The following VPS13D variants were observed in gnomAD, a reference collection of about 807,000 sequenced individuals.
VPS13D encodes vacuolar protein sorting 13 homolog D.
VPS13D carries 187 observed loss-of-function variants against 461.9 expected under a neutral mutation model. That is an observed-to-expected ratio of 0.40 (90% CI 0.36 to 0.46). The LOEUF is 0.46. Among genes scored for constraint, VPS13D ranks in the 20% least tolerant of loss-of-function variants. The pLI is 0.60. For missense variants in VPS13D, 4,711 were observed against 5,364.9 expected (o/e 0.88, Z 3.81); for synonymous variants, 1,951 against 1,986.3 (o/e 0.98, Z 0.47).
intron 3 of VPS13D, 109 bp downstream of exon 3, chr1:12,242,699 T>G: frequency 3.2e-4 from 257 of 814,300 alleles, no homozygotes; most frequent in Non-Finnish European, 4.5e-4. Context: ...AGGAAGGATA[T>G]AGCAAATGTT....
chr1:12,484,797 G>A (rs999131928), intron 67 of VPS13D, among the ~76,000 whole-genome samples: 4 of 152,110 alleles, frequency 2.6e-5, no homozygotes, highest in African/African-American at 9.7e-5. Flanking sequence ...GAGTGTCCTC[G>A]GAGGGTTACA....
intron 25 of VPS13D, among the ~76,000 whole-genome samples, chr1:12,303,975 A>G (rs1642493927): frequency 6.6e-6 from 1 of 152,234 alleles, no homozygotes; most frequent in African/African-American, 2.4e-5. Context: ...TTGAGCAGAA[A>G]CATCATAGGA....
chr1:12,400,874 A>G (rs1438049222), intron 61 of VPS13D, among the ~76,000 whole-genome samples: 1 of 151,854 alleles, frequency 6.6e-6, no homozygotes, highest in Non-Finnish European at 1.5e-5. Context: ...GGAGGTCCTG[A>G]GCCTGGGAGT....
In VPS13D at chr1:12,266,974, A is replaced by G. The variant is rs1287862877; in HGVS notation, c.1688A>G (p.Glu563Gly). ...GGLFLRDLATEGTMFPLLVFP... is the reference protein window; with the variant it reads ...GGLFLRDLATGGTMFPLLVFP... The stretch of plus-strand genomic sequence containing the variant: ...CTGTTTCTTCGAGACCTGGCTACAG[A>G]AGGAACTATGTTTCCTCTTCTAGTC... Residue 563 changes from glutamate to glycine, a missense_variant, in exon 14 of 70, where the codon GAA (glutamate) becomes GGA (glycine). By Grantham distance (98) the Glu-to-Gly change is moderately conservative. Around this residue, in one of 3 missense-constraint regions of VPS13D, gnomAD observed 4,411 missense variants for 4,937.8 expected, o/e 0.89. Coordinates refer to ENST00000620676, the MANE Select transcript of VPS13D (RefSeq NM_015378.4). 3.1e-6 allele frequency: 5 copies of G among 1,610,246 alleles called. No individual in the cohort carries two copies. The highest frequency in any genetic ancestry group is 4.2e-6 in the Non-Finnish European group (5 of 1,178,932).
intron 20 of VPS13D, among the ~76,000 whole-genome samples, chr1:12,281,522 T>C (rs556768275): frequency 6.6e-6 from 1 of 152,330 alleles, no homozygotes; most frequent in Admixed American, 6.5e-5. Context: ...TTTAGTTCTA[T>C]AGGTTTGACT....
intron 63 of VPS13D, among the ~76,000 whole-genome samples, chr1:12,413,268 A>C (rs1269340996): frequency 1.3e-5 from 2 of 151,664 alleles, no homozygotes; most frequent in African/African-American, 4.8e-5. Context: ...AGATGGGTGG[A>C]TCACTTGAGG....
chr1:12,391,052 C>T (rs1479452897), intron 60 of VPS13D, among the ~76,000 whole-genome samples: 2 of 152,186 alleles, frequency 1.3e-5, no homozygotes, highest in African/African-American at 4.8e-5. Flanking sequence ...TTCTTTGTCA[C>T]CAGTTTTCTA....
intron 25 of VPS13D, among the ~76,000 whole-genome samples, chr1:12,301,927 T>C (rs1642434794): frequency 6.6e-6 from 1 of 152,158 alleles, no homozygotes; most frequent in Non-Finnish European, 1.5e-5. Flanking sequence ...TACAGGGAGA[T>C]ACTTGGAAGA....
At chr1:12,429,781 G>A (rs914461055) in intron 65 of VPS13D, among the ~76,000 whole-genome samples, 1 of 152,194 alleles carries the variant, frequency 6.6e-6, no homozygotes, top group African/African-American at 2.4e-5. Context: ...GCGCTTAGCA[G>A]ATACTGACCT....
At chr1:12,412,984 G>T (rs927037346) in intron 63 of VPS13D, among the ~76,000 whole-genome samples, 1 of 152,106 alleles carries the variant, frequency 6.6e-6, no homozygotes, top group African/African-American at 2.4e-5. Flanking sequence ...CTACAAAAAT[G>T]AGCAAAATAC....
chr1:12,496,485 T>A (rs181839643), intron 67 of VPS13D, among the ~76,000 whole-genome samples: 2 of 152,240 alleles, frequency 1.3e-5, no homozygotes, highest in Admixed American at 1.3e-4. Flanking sequence ...TGCTGCTTAC[T>A]GTTAGTTCCT....
At chr1:12,230,564 C>G (rs995676211) in intron 1 of VPS13D, among the ~76,000 whole-genome samples, 8 of 152,142 alleles carry the variant, frequency 5.3e-5, no homozygotes, top group African/African-American at 1.2e-4. Context: ...CCCCAGTGTG[C>G]GAGCCCCCCA....
At chr1:12,492,853 T>A (rs549003534) in intron 67 of VPS13D, among the ~76,000 whole-genome samples, 1 of 152,300 alleles carries the variant, frequency 6.6e-6, no homozygotes, top group African/African-American at 2.4e-5. Context: ...ATCTTAGCAA[T>A]GTGACAGCGA....
At chr1:12,353,921 A>C (rs1643864358) in intron 46 of VPS13D, 53 bp from the exon 47 acceptor site, 1 of 1,571,230 alleles carries the variant, frequency 6.4e-7, no homozygotes, top group South Asian at 1.2e-5. Flanking sequence ...AAGGAGAAAA[A>C]ATTTAAGTTC....
rs867937171 is a variant in VPS13D, at chr1:12,267,983, A to G, written c.1801+63A>G. 34 of 1,412,026 alleles carry G rather than the reference A, an allele frequency of 2.4e-5. No individual in the cohort carries two copies. The Middle Eastern group carries it at 7.5e-4, about 31-fold the overall frequency. 87.5% of individuals were successfully genotyped at this position (1,412,026 alleles called of 1,614,324 possible). On this transcript the variant is annotated intron_variant, in intron 15 of 69. Coordinates refer to ENST00000620676, the MANE Select transcript of VPS13D (RefSeq NM_015378.4). ...TTTTTTAAATTAATTTTTCTTTGAG[A>G]CAGGGCCTCGCTCTGTCACCCAGGC...
chr1:12,294,744 G>A (rs554459970), intron 24 of VPS13D, among the ~76,000 whole-genome samples: 5 of 152,200 alleles, frequency 3.3e-5, no homozygotes, highest in South Asian at 2.1e-4. Flanking sequence ...CCTGGGAGGC[G>A]GAGGTTGGAG....
Position 12,353,084 on chromosome 1 carries a change from C to A in VPS13D, c.9432-890C>A, listed in dbSNP as rs78654323. Among the ~76,000 whole-genome samples, 1,226 of 149,418 alleles carry A rather than the reference C, an allele frequency of 8.2e-3. 63 individuals are homozygous for A. The East Asian group carries it at 0.13, about 16-fold the overall frequency. On this transcript the variant is annotated intron_variant, in intron 46 of 69. Coordinates refer to ENST00000620676, the MANE Select transcript of VPS13D (RefSeq NM_015378.4). Reference sequence around the variant, plus strand: ...TACTTGTACAAGAATGTTCATTTAACCCTAAACTGGGAAAAACCAATTGGC... The same window carrying A: ...TACTTGTACAAGAATGTTCATTTAAACCTAAACTGGGAAAAACCAATTGGC...
intron 30 of VPS13D, among the ~76,000 whole-genome samples, chr1:12,314,558 A>C (rs889065050): frequency 1.3e-5 from 2 of 152,234 alleles, no homozygotes; most frequent in African/African-American, 4.8e-5. Context: ...GTAGTTAAGA[A>C]TTGAGCCTTA....
chr1:12,477,881 T>C (rs1352354698), intron 67 of VPS13D, among the ~76,000 whole-genome samples: 1 of 152,206 alleles, frequency 6.6e-6, no homozygotes, highest in Non-Finnish European at 1.5e-5. Flanking sequence ...GACTAGCAGA[T>C]AGCTATAGAG....
Sources: gnomAD v4.1 joint callset for allele counts (sites outside exome capture counted in the v4.1 genomes callset) on GRCh38, gnomAD v4.1.1 for gene constraint, gnomAD v4.1.1 regional missense constraint, MANE v1.5 for transcripts, NCBI Gene and HGNC (gene_info 2026-07-23, HGNC 2026-07-21) for gene names.